The following AGBL4 variants were observed in gnomAD, a reference collection of about 807,000 sequenced individuals.
AGBL4 encodes the protein cytosolic carboxypeptidase 6.
AGBL4 carries 58 observed loss-of-function variants against 66.4 expected under a neutral mutation model. That is an observed-to-expected ratio of 0.87 (90% confidence interval 0.71 to 1.09). The LOEUF (loss-of-function observed/expected upper bound fraction) is 1.09. Among genes scored for constraint, AGBL4 ranks in the 50% least tolerant of loss-of-function variants. The pLI is 0.00. For missense variants in AGBL4, 579 were observed against 631.0 expected, an observed-to-expected ratio of 0.92 and a Z score of 0.88; for synonymous variants, 234 against 222.9, an observed-to-expected ratio of 1.05 and a Z score of -0.44.
At chr1:49,459,390 A>G (rs1296811974) in intron 3 of AGBL4, among the ~76,000 whole-genome samples, 2 of 151,704 alleles carry the variant, frequency 1.3e-5, no homozygotes, top group East Asian at 3.9e-4. Flanking sequence ...GTTTATGTGC[A>G]TAAAAGTGTG....
intron 3 of AGBL4, among the ~76,000 whole-genome samples, chr1:49,293,318 C>T (rs1341248458): frequency 6.6e-6 from 1 of 152,202 alleles, no homozygotes; most frequent in African/African-American, 2.4e-5. Context: ...AGGATCCAAG[C>T]CAGTAGCATG....
At chr1:48,922,615 A>T (rs1654175837) in intron 5 of AGBL4, among the ~76,000 whole-genome samples, 1 of 152,208 alleles carries the variant, frequency 6.6e-6, no homozygotes, top group African/African-American at 2.4e-5. Flanking sequence ...CCGGACTTAG[A>T]CACATGAATA....
chr1:49,430,320 G>C (rs1645758500), intron 3 of AGBL4, among the ~76,000 whole-genome samples: 1 of 152,076 alleles, frequency 6.6e-6, no homozygotes, highest in Admixed American at 6.6e-5. Context: ...ACACAATCTA[G>C]CTTGGGTGTT....
chr1:49,650,418 C>G (rs1361978852), intron 3 of AGBL4, among the ~76,000 whole-genome samples: 5 of 152,122 alleles, frequency 3.3e-5, no homozygotes, highest in Non-Finnish European at 5.9e-5. Flanking sequence ...ATGCCTCTGC[C>G]CTTGCAACCC....
At chr1:48,682,583 G>C (rs114954381) in intron 6 of AGBL4, among the ~76,000 whole-genome samples, 5,846 of 152,044 alleles carry the variant, frequency 0.038, 376 homozygotes, top group African/African-American at 0.13. Flanking sequence ...TTGTAGGGAG[G>C]GGCCTTGCTA....
chr1:48,884,205 G>A (rs967043844), intron 5 of AGBL4, among the ~76,000 whole-genome samples: 3 of 152,172 alleles, frequency 2.0e-5, no homozygotes, highest in Non-Finnish European at 4.4e-5. Context: ...AAATCTGTAA[G>A]TATTTTTTAC....
chr1:49,687,760 G>A (rs1646813483), intron 3 of AGBL4, among the ~76,000 whole-genome samples: 2 of 151,296 alleles, frequency 1.3e-5, no homozygotes, highest in South Asian at 4.2e-4. Flanking sequence ...GGATGACAGA[G>A]TAAAAGCCTA....
chr1:49,006,681 A>G (rs1401192047), intron 5 of AGBL4, among the ~76,000 whole-genome samples: 1 of 150,830 alleles, frequency 6.6e-6, no homozygotes, highest in South Asian at 2.1e-4. Flanking sequence ...TGGAGATCTG[A>G]GAACGGGCAG....
At chr1:49,798,994 A>G (rs1255842250) in intron 2 of AGBL4, among the ~76,000 whole-genome samples, 1 of 152,130 alleles carries the variant, frequency 6.6e-6, no homozygotes, top group Admixed American at 6.5e-5. Flanking sequence ...AAATAGAGAA[A>G]TCTCTAGTAT....
chr1:49,840,616 C>A (rs1172485975), intron 2 of AGBL4, among the ~76,000 whole-genome samples: 3 of 152,052 alleles, frequency 2.0e-5, no homozygotes, highest in African/African-American at 7.2e-5. Context: ...CACAAAAATT[C>A]TCAACAAAAT....
At chr1:49,640,642 C>T (rs1304762796) in intron 3 of AGBL4, among the ~76,000 whole-genome samples, 4 of 152,130 alleles carry the variant, frequency 2.6e-5, no homozygotes, top group Admixed American at 6.6e-5. Context: ...TTCTACCATA[C>T]GGTCTCCTTC....
chr1:49,607,555 C>T (rs1034942896), intron 3 of AGBL4, among the ~76,000 whole-genome samples: 4 of 152,078 alleles, frequency 2.6e-5, no homozygotes, highest in African/African-American at 9.7e-5. Context: ...TTCTAGGAGG[C>T]ATTATCTGGA....
chr1:49,030,086 C>A, intron 5 of AGBL4, among the ~76,000 whole-genome samples: 1 of 152,074 alleles, frequency 6.6e-6, no homozygotes, highest in East Asian at 1.9e-4. Context: ...ATCTTTGTGA[C>A]CTTTGGCCAG....
intron 5 of AGBL4, among the ~76,000 whole-genome samples, chr1:48,903,764 A>G (rs974852908): frequency 2.6e-5 from 4 of 152,190 alleles, no homozygotes; most frequent in African/African-American, 9.6e-5. Flanking sequence ...AGGTAGCTCC[A>G]AATGTGTCAC....
At chr1:49,458,363 G>A (rs1020951071) in intron 3 of AGBL4, among the ~76,000 whole-genome samples, 2 of 151,704 alleles carry the variant, frequency 1.3e-5, no homozygotes, top group African/African-American at 4.8e-5. Flanking sequence ...GGTCACTGTT[G>A]CTGTATAGCA....
At chr1:49,920,203 C>A (rs1305568748) in intron 1 of AGBL4, among the ~76,000 whole-genome samples, 2 of 152,086 alleles carry the variant, frequency 1.3e-5, no homozygotes, top group South Asian at 2.1e-4. Flanking sequence ...TCTAAAACAC[C>A]AAAAGCAATG....
rs191241568 is a variant in AGBL4 at position 49,452,174 on chromosome 1, C to A, written c.283-206310G>T. On this transcript the variant is annotated intron_variant, in intron 3 of 13. Transcript: ENST00000371839. ...TAAAACGTTCGGATTTCTCTTCAGC[C>A]CAAATCTGTTTTATTATGCTTCTGG... Among the ~76,000 whole-genome samples, 957 of 151,840 alleles carry A rather than the reference C, an allele frequency of 6.3e-3. 9 individuals are homozygous for A. Among genetic ancestry groups the A allele is most frequent in the South Asian group, 0.012 (58 of 4,812 alleles).
chr1:49,475,611 T>A (rs887175546), intron 3 of AGBL4, among the ~76,000 whole-genome samples: 2 of 152,056 alleles, frequency 1.3e-5, no homozygotes, highest in African/African-American at 4.8e-5. Flanking sequence ...TTATTACTCA[T>A]TATTGGTCTG....
At chr1:48,572,121 G>A (rs1644574643) in intron 11 of AGBL4, among the ~76,000 whole-genome samples, 1 of 152,168 alleles carries the variant, frequency 6.6e-6, no homozygotes, top group Non-Finnish European at 1.5e-5. Context: ...ACAAAAGAAG[G>A]AGGCAGCAGA....
Sources: allele counts gnomAD v4.1 joint callset (sites outside exome capture counted in the v4.1 genomes callset), GRCh38; gene constraint gnomAD v4.1.1; transcripts MANE v1.5; gene names NCBI Gene and HGNC (gene_info 2026-07-23, HGNC 2026-07-21).